The following GSTO2 variants were observed in gnomAD, a reference collection of about 807,000 sequenced individuals.
GSTO2 encodes glutathione S-transferase omega 2.
GSTO2 carries 23 observed loss-of-function variants against 28.4 expected under a neutral mutation model. The ratio of observed to expected loss-of-function variants is 0.81; its 90% CI spans 0.58 to 1.15. GSTO2 has a LOEUF of 1.15. Ranked by LOEUF, GSTO2 falls within the 50% of genes most tolerant of loss-of-function variation. The pLI is 0.00. For synonymous variants in GSTO2, 109 were observed against 111.0 expected (o/e 0.98, Z 0.11); for missense variants, 298 against 297.8 (o/e 1.00, Z 0.00).
In GSTO2 at chr10:104,304,270, T is replaced by C. The variant is rs2013339456; in HGVS notation, c.*4986T>C. 6.6e-6 allele frequency: 1 copy of C among 152,256 alleles called. No homozygotes were observed. The highest frequency in any genetic ancestry group is 6.5e-5 in the Admixed American group (1 of 15,286). 9.4% of individuals were successfully genotyped at this position (152,256 alleles called of 1,614,324 possible). On this transcript the variant is annotated 3_prime_UTR_variant, in exon 7 of 7. Transcript: ENST00000338595. ...GAACATTTGATCTTTTCAAACATTT[T>C]TCTCTCATCTGGCCTGTTAGCGCTC... is the stretch of plus-strand genomic sequence containing the variant.
intron 5 of GSTO2, among the ~76,000 whole-genome samples, chr10:104,288,738 A>G (rs1348374212): frequency 1.3e-5 from 2 of 152,268 alleles, no homozygotes; most frequent in East Asian, 1.9e-4. Context: ...TCAGAGTCTT[A>G]CTAATTTTCT....
intron 5 of GSTO2, among the ~76,000 whole-genome samples, chr10:104,284,383 A>T (rs188381554): frequency 1.3e-5 from 2 of 152,170 alleles, no homozygotes; most frequent in African/African-American, 4.8e-5. Flanking sequence ...ATTAAGTTCC[A>T]TCAAAATCAA....
At chr10:104,283,625 C>T (rs766570336) in intron 5 of GSTO2, among the ~76,000 whole-genome samples, 5 of 152,126 alleles carry the variant, frequency 3.3e-5, no homozygotes, top group Non-Finnish European at 7.3e-5. Context: ...GACTCTGTCT[C>T]AAAAACAAAT....
chr10:104,297,674 G>T lies in GSTO2; in HGVS notation c.565G>T (p.Gly189Trp), dbSNP rs2013106401. 16 of 1,609,182 alleles carry T rather than the reference G, an allele frequency of 9.9e-6. No individual in the cohort carries two copies. Among genetic ancestry groups the T allele is most frequent in the South Asian group, 2.2e-5 (2 of 91,002 alleles). ...WPWFERLDVYGILDCVSHTPA... is the reference protein window; with the variant it reads ...WPWFERLDVYWILDCVSHTPA... ...CTGGTTTGAGCGGCTGGATGTGTAT[G>T]GGATACTGGAGTAAGACATTTGACA... The change falls in exon 6 of 7, where the codon GGG becomes TGG. Residue 189 changes from glycine to tryptophan, a missense_variant. By Grantham distance (184) the Gly-to-Trp change is radical. Transcript: ENST00000338595.
Position 104,297,574 on chromosome 10 carries a change from T to G in GSTO2, c.469-4T>G. ...ATTTGCTTTTGCTTTGTTTCCATTT[T>G]TAGATTCTTGAGTATCAGAACACCA... On this transcript the variant is annotated splice_polypyrimidine_tract_variant and splice_region_variant and intron_variant, in intron 5 of 6. Transcript: ENST00000338595. 6.3e-7 allele frequency: 1 copy of G among 1,594,232 alleles called. No homozygotes were observed. Among genetic ancestry groups the G allele is most frequent in the Non-Finnish European group, 8.6e-7 (1 of 1,162,430 alleles).
intron 5 of GSTO2, among the ~76,000 whole-genome samples, chr10:104,291,847 T>A (rs1474574321): frequency 6.6e-6 from 1 of 152,258 alleles, no homozygotes; most frequent in Non-Finnish European, 1.5e-5. Context: ...AACACCTTTC[T>A]GCAAAGTATC....
At position 104,283,802 on chromosome 10, in the gene GSTO2, T is replaced by G. The variant is rs72825847; in HGVS notation, c.468+4331T>G. On this transcript the variant is annotated intron_variant, in intron 5 of 6. Transcript: ENST00000338595. ...ATTCTAATGGAGAGGATCCCCTGAT[T>G]TATGTAACTCTTTCACATGGTTTTG... Among the ~76,000 whole-genome samples the G allele has an allele frequency of 3.2e-3, 492 of 152,334 alleles. 2 individuals are homozygous for G. The highest frequency in any genetic ancestry group is 5.9e-3 in the Non-Finnish European group (402 of 68,026).
intron 1 of GSTO2, among the ~76,000 whole-genome samples, chr10:104,272,639 A>G (rs1222632495): frequency 1.3e-5 from 1 of 77,220 alleles, no homozygotes; most frequent in East Asian, 5.5e-4. Flanking sequence ...TTTGAGACGG[A>G]GTCTCGCTCT....
intron 4 of GSTO2, among the ~76,000 whole-genome samples, chr10:104,279,047 A>AT (rs2011837710): frequency 6.6e-6 from 1 of 152,104 alleles, no homozygotes; most frequent in South Asian, 2.1e-4. Context: ...TATCGTATCC[A>AT]TTTTTCAGAT....
In GSTO2 at chr10:104,299,207, G is replaced by T. The variant is rs555677917; in HGVS notation, c.655G>T (p.Asp219Tyr). ...CCCCACAGTCTGTGCTCTTCTCATG[G>T]ATAAGAGCATTTTCCAGGGCTTCTT... ...WDPTVCALLM[D>Y]KSIFQGFLNL... Residue 219 changes from aspartate to tyrosine, a missense_variant, in exon 7 of 7, where the codon GAT becomes TAT. Coordinates refer to ENST00000338595, the MANE Select transcript of GSTO2 (RefSeq NM_183239.2). 44 of 1,614,174 alleles carry T rather than the reference G, an allele frequency of 2.7e-5. No individual in the cohort carries two copies. The South Asian group carries it at 4.1e-4, about 15-fold the overall frequency.
chr10:104,288,826 G>C (rs989025853), intron 5 of GSTO2, among the ~76,000 whole-genome samples: 7 of 152,018 alleles, frequency 4.6e-5, no homozygotes, highest in African/African-American at 1.7e-4. Context: ...ACACATTTTT[G>C]TTTTCTTTTG....
intron 1 of GSTO2, among the ~76,000 whole-genome samples, chr10:104,272,418 T>C (rs930884486): frequency 6.6e-6 from 1 of 152,014 alleles, no homozygotes; most frequent in African/African-American, 2.4e-5. Context: ...ATCATTCAGT[T>C]CATGGCATCT....
intron 3 of GSTO2, among the ~76,000 whole-genome samples, chr10:104,276,555 G>T (rs1304027283): frequency 6.6e-6 from 1 of 152,188 alleles, no homozygotes; most frequent in Non-Finnish European, 1.5e-5. Flanking sequence ...ACCTTCAGTT[G>T]TGACAACAAA....
In GSTO2 at chr10:104,279,383, C is replaced by T. The variant is rs140382580; in HGVS notation, c.380C>T (p.Thr127Ile). The part of the protein sequence containing the change: ...LELFCKVPHL[T>I]KECLVALRCG... ...TCCTCTGATTAGGTCCCACATTTGACCAAGGAGTGCCTGGTAGCGTTGAGA... is the reference window on the plus strand; with the variant it reads ...TCCTCTGATTAGGTCCCACATTTGATCAAGGAGTGCCTGGTAGCGTTGAGA... Residue 127 changes from threonine to isoleucine, a missense_variant, in exon 5 of 7, where the codon ACC becomes ATC. By Grantham distance (89) the Thr-to-Ile change is moderately conservative. Coordinates refer to ENST00000338595, the MANE Select transcript of GSTO2 (RefSeq NM_183239.2). The T allele has an allele frequency of 8.4e-5, 135 of 1,613,770 alleles. No individual in the cohort carries two copies. In the African/African-American group the frequency reaches 1.4e-3, roughly 16 times the overall value.
In GSTO2 at chr10:104,269,192, T is replaced by C. The variant is rs578216769; in HGVS notation, c.-309T>C. On this transcript the variant is annotated 5_prime_UTR_variant, in exon 1 of 7. Coordinates refer to ENST00000338595, the MANE Select transcript of GSTO2 (RefSeq NM_183239.2). ...CCCCGTCTAGGCCCCGCCTCCTTGC[T>C]GCTGCTGCCGCCGCCAATCCTGGTC... is the stretch of plus-strand genomic sequence containing the variant. 1 of 152,614 alleles carries C rather than the reference T, an allele frequency of 6.6e-6. No homozygotes were observed. The highest frequency in any genetic ancestry group is 2.1e-4 in the South Asian group (1 of 4,830). The allele number at this position is 152,614 out of a possible 1,614,324, so 9.5% of individuals were successfully genotyped here.
intron 6 of GSTO2, among the ~76,000 whole-genome samples, chr10:104,298,864 G>T (rs1002638279): frequency 5.3e-5 from 8 of 152,220 alleles, no homozygotes; most frequent in African/African-American, 1.7e-4. Context: ...CAAAAAAAAT[G>T]AAGCACAGAC....
intron 6 of GSTO2, 67 bp downstream of exon 6, chr10:104,297,751 C>G (rs2013113022): frequency 1.9e-6 from 2 of 1,055,556 alleles, no homozygotes; most frequent in Non-Finnish European, 2.9e-6. Flanking sequence ...TTAAGATGGT[C>G]TGCATGCCCC....
At position 104,277,976 on chromosome 10, in the gene GSTO2, G is replaced by C. The variant is rs147953656; in HGVS notation, c.226G>C (p.Glu76Gln). ...CCCTTTTGGCCACATTCCTGTCCTG[G>C]AGACCAGCCAATGTCAACTGATCTA... ...KHPFGHIPVLETSQCQLIYES... is the reference protein window; with the variant it reads ...KHPFGHIPVLQTSQCQLIYES... Residue 76 changes from glutamate (E) to glutamine (Q), a missense_variant, in exon 4 of 7, where the codon GAG (glutamate) becomes CAG (glutamine). Glu to Gln is a conservative substitution (Grantham distance 29, BLOSUM62 2). Coordinates refer to ENST00000338595, the MANE Select transcript of GSTO2 (RefSeq NM_183239.2). 5.0e-6 allele frequency: 8 copies of C among 1,613,970 alleles called. 1 individual carries two copies. In the South Asian group the frequency reaches 8.8e-5, roughly 18 times the overall value.
intron 5 of GSTO2, among the ~76,000 whole-genome samples, chr10:104,280,246 G>A (rs539744721): frequency 5.1e-4 from 76 of 148,870 alleles, no homozygotes; most frequent in Non-Finnish European, 9.4e-4. Context: ...ACATTATCAG[G>A]AACTGAAGCT....
Sources: gnomAD v4.1 joint callset for allele counts (sites outside exome capture counted in the v4.1 genomes callset) on GRCh38, gnomAD v4.1.1 for gene constraint, MANE v1.5 for transcripts, NCBI Gene and HGNC (gene_info 2026-07-23, HGNC 2026-07-21) for gene names.